Variants in SF3A2 observed in about 807,000 individuals in gnomAD.
SF3A2 encodes splicing factor 3a subunit 2.
Under a neutral mutation model 31.1 loss-of-function variants are expected in SF3A2, and 5 were observed. That is an observed-to-expected ratio of 0.16 (90% CI 0.08 to 0.34). The LOEUF (loss-of-function observed/expected upper bound fraction) is 0.34, where lower values mean the gene tolerates loss of function less well. Ranked by LOEUF, SF3A2 falls within the 10% of genes least tolerant of loss-of-function variation. The pLI is 1.00. For synonymous variants in SF3A2, 365 were observed against 263.7 expected (o/e 1.38, Z -3.72); for missense variants, 577 against 643.9 (o/e 0.90, Z 1.13).
Position 2,246,814 on chromosome 19 carries a change from G to T in SF3A2, c.405+12G>T, listed in dbSNP as rs563030381. On this transcript the variant is annotated intron_variant, in intron 6 of 8. Transcript: ENST00000221494. This position sits in a 1 kb window ranked among gnomAD's most constrained non-coding sequence, Gnocchi z 5.5. ...GCCTCCTCTTCCAGGTGAGATCAGGGACTTGGGCGTGGGGGGCGGCCAAAG... is the reference window on the plus strand; with the variant it reads ...GCCTCCTCTTCCAGGTGAGATCAGGTACTTGGGCGTGGGGGGCGGCCAAAG... 1 of 1,613,902 alleles carries T rather than the reference G, an allele frequency of 6.2e-7. No homozygotes were observed. The highest frequency in any genetic ancestry group is 2.2e-5 in the East Asian group (1 of 44,876).
In SF3A2 at chr19:2,248,165, TCCAGCCCCCGGGGTTCACCCA is replaced by T. The variant is rs776666294; in HGVS notation, c.1026_1046del (p.Ala361_Pro367del). 1.2e-4 allele frequency: 161 copies of T among 1,288,234 alleles called. No individual in the cohort carries two copies. The highest frequency in any genetic ancestry group is 2.6e-4 in the East Asian group (8 of 31,172). The allele number at this position is 1,288,234 out of a possible 1,614,324, so 79.8% of individuals were successfully genotyped here. ...ACCCCCCAGCTCCTGGAGTCCACCC[TCCAGCCCCCGGGGTTCACCCA>T]CCAGCCCCCGGAGTCCACCCACCAG... On this transcript the variant is annotated inframe_deletion, in exon 9 of 9. Coordinates refer to ENST00000221494, the MANE Select transcript of SF3A2 (RefSeq NM_007165.5).
chr19:2,246,796 C>T lies in SF3A2; in HGVS notation c.399C>T (p.Leu133=). ...CGGAGATGGGCCAGCAGAGCCTCCT[C>T]TTCCAGGTGAGATCAGGGACTTGGG... ...RDSEMGQQSL[L]FQIDYPEIAE... is the part of the protein sequence containing the mutation. The change falls in exon 6 of 9, where the codon CTC becomes CTT. Residue 133 remains leucine, a synonymous_variant. Transcript: ENST00000221494. This position sits in a 1 kb window ranked among gnomAD's most constrained non-coding sequence, Gnocchi z 5.5. 1.2e-6 allele frequency: 2 copies of T among 1,613,978 alleles called. No homozygotes were observed. Among genetic ancestry groups the T allele is most frequent in the Non-Finnish European group, 1.7e-6 (2 of 1,179,996 alleles).
intron 1 of SF3A2, among the ~76,000 whole-genome samples, chr19:2,242,999 A>G (rs911596951): frequency 6.6e-6 from 1 of 152,132 alleles, no homozygotes; most frequent in Non-Finnish European, 1.5e-5. Flanking sequence ...GCAGTCCGGG[A>G]TGGCTTCCTG....
intron 7 of SF3A2, 43 bp from the exon 8 acceptor site, chr19:2,247,551 G>C (rs780354911): frequency 6.2e-7 from 1 of 1,605,522 alleles, no homozygotes; most frequent in East Asian, 2.2e-5. Flanking sequence ...GTCGCCCTGA[G>C]GTCACAGGGA....
chr19:2,247,932 C>A lies in SF3A2; in HGVS notation c.781C>A (p.Leu261Met). The A allele has an allele frequency of 6.5e-7, 1 of 1,535,820 alleles. No individual in the cohort carries two copies. The highest frequency in any genetic ancestry group is 8.9e-7 in the Non-Finnish European group (1 of 1,127,524). Reference sequence around the variant, plus strand: ...ACCGCCCCCGCCAGGAGGCCTGCCTCTGCCACCCATGCCCCCCACAGGGCC... The same window carrying A: ...ACCGCCCCCGCCAGGAGGCCTGCCTATGCCACCCATGCCCCCCACAGGGCC... ...LPPPPPGGLPLPPMPPTGPAP... is the reference protein window; with the variant it reads ...LPPPPPGGLPMPPMPPTGPAP... The change falls in exon 9 of 9, where the codon CTG becomes ATG. Residue 261 changes from leucine (L) to methionine (M), a missense_variant. By Grantham distance (15) the Leu-to-Met change is conservative. This residue lies in a region of SF3A2 where 462 missense variants were observed against 339.1 expected (regional missense o/e 1.36). Coordinates refer to ENST00000221494, the MANE Select transcript of SF3A2 (RefSeq NM_007165.5).
At chr19:2,247,120 TC>T in intron 7 of SF3A2, 98 bp downstream of exon 7, 1 of 1,482,388 alleles carries the variant, frequency 6.7e-7, no homozygotes, top group Non-Finnish European at 9.0e-7. Context: ...GGGCTTGGGG[TC>T]CCCTGGGCCC....
Position 2,246,660 on chromosome 19 carries a change from C to A in SF3A2, c.356-93C>A. 6.8e-7 allele frequency: 1 copy of A among 1,465,808 alleles called. No homozygotes were observed. 90.8% of individuals were successfully genotyped at this position (1,465,808 alleles called of 1,614,324 possible). A position where few individuals can be genotyped will look rare whatever the true frequency, so the allele number is the denominator to read the frequency against. On this transcript the variant is annotated intron_variant, in intron 5 of 8. Coordinates refer to ENST00000221494, the MANE Select transcript of SF3A2 (RefSeq NM_007165.5). The surrounding 1 kb of genome is among the most constrained non-coding windows in gnomAD (Gnocchi z 5.5). Reference sequence around the variant, plus strand: ...AGCTGCAGGGCCTCCCCCGGGGTCCCGCTCTCGTTCAGTGGGTGGCATTAG... The same window carrying A: ...AGCTGCAGGGCCTCCCCCGGGGTCCAGCTCTCGTTCAGTGGGTGGCATTAG...
chr19:2,241,220 G>GGGAGT (rs1332558590), intron 1 of SF3A2, among the ~76,000 whole-genome samples: 1 of 152,162 alleles, frequency 6.6e-6, no homozygotes, highest in African/African-American at 2.4e-5. Flanking sequence ...ATCTGTGTGT[G>GGGAGT]GGAGTGCCTC....
At chr19:2,240,116 C>T (rs577730524) in intron 1 of SF3A2, among the ~76,000 whole-genome samples, 2 of 152,240 alleles carry the variant, frequency 1.3e-5, no homozygotes, top group African/African-American at 4.8e-5. Context: ...GTGTGGGGAC[C>T]CTGAATGTCA....
intron 3 of SF3A2, 39 bp from the exon 4 acceptor site, chr19:2,244,694 G>T: frequency 1.2e-6 from 2 of 1,613,178 alleles, no homozygotes; most frequent in Non-Finnish European, 8.5e-7. Flanking sequence ...GTGTCTGTCC[G>T]CCCGGCCTCG....
At chr19:2,244,686 G>C in intron 3 of SF3A2, 47 bp from the exon 4 acceptor site, 2 of 1,612,824 alleles carry the variant, frequency 1.2e-6, no homozygotes, top group Non-Finnish European at 1.7e-6. Flanking sequence ...ACCTGCCTGT[G>C]TCTGTCCGCC....
At chr19:2,247,447 C>A in intron 7 of SF3A2, 147 bp from the exon 8 acceptor site, 1 of 730,252 alleles carries the variant, frequency 1.4e-6, no homozygotes, top group Middle Eastern at 3.5e-4. Flanking sequence ...AGAACTGAAC[C>A]CTGTGCCCCA....
intron 1 of SF3A2, among the ~76,000 whole-genome samples, chr19:2,238,942 C>T (rs1422681156): frequency 6.6e-6 from 1 of 152,160 alleles, no homozygotes; most frequent in Non-Finnish European, 1.5e-5. Context: ...CCGAGCAAAA[C>T]TTCTGGGAGC....
In SF3A2 at chr19:2,243,517, G is replaced by A; in HGVS notation, c.99G>A (p.Leu33=). The A allele has an allele frequency of 6.4e-7, 1 of 1,552,158 alleles. No individual in the cohort carries two copies. The highest frequency in any genetic ancestry group is 8.6e-7 in the Non-Finnish European group (1 of 1,156,650). ...NRDRRERLRQ[L]ALETIDINKD... is the part of the protein sequence containing the mutation. ...ACCGCAGGGAGCGCCTCCGGCAGCT[G>A]GCCCTGGAGACCATCGACATCAACA... Residue 33 remains leucine (L), a synonymous_variant, in exon 2 of 9, where the codon CTG becomes CTA. Transcript: ENST00000221494.
chr19:2,244,868 C>G (rs150472707), intron 4 of SF3A2, 89 bp downstream of exon 4: 84 of 1,297,066 alleles, frequency 6.5e-5, no homozygotes, highest in Non-Finnish European at 8.8e-5. Flanking sequence ...GCTCCACAGC[C>G]GGGGAGCCAG....
In SF3A2 at chr19:2,245,258, A is replaced by G; in HGVS notation, c.246-188A>G. ...CCAGCCAGGGACAGTGAGGAGCATG[A>G]CAGGAAGAGAACATGCCTGTCCTAT... On this transcript the variant is annotated intron_variant, in intron 4 of 8. Coordinates refer to ENST00000221494, the MANE Select transcript of SF3A2 (RefSeq NM_007165.5). This position sits in a 1 kb window ranked among gnomAD's most constrained non-coding sequence, Gnocchi z 4.2. The G allele has an allele frequency of 1.8e-6, 1 of 564,622 alleles. No homozygotes were observed. Among genetic ancestry groups the G allele is most frequent in the Non-Finnish European group, 3.1e-6 (1 of 319,126 alleles). The allele number at this position is 564,622 out of a possible 1,614,324, so 35.0% of individuals were successfully genotyped here.
chr19:2,243,677 T>G, intron 2 of SF3A2, 133 bp downstream of exon 2: 1 of 1,080,024 alleles, frequency 9.3e-7, no homozygotes, highest in Non-Finnish European at 1.2e-6. Context: ...GACGCTCCCC[T>G]GTTGCCCCCG....
intron 2 of SF3A2, among the ~76,000 whole-genome samples, chr19:2,243,866 C>G (rs1219227996): frequency 6.6e-6 from 1 of 152,202 alleles, no homozygotes; most frequent in African/African-American, 2.4e-5. Context: ...TTGATTTTAG[C>G]TTGTGCAGAG....
Position 2,248,057 on chromosome 19 carries a change from TC to T in SF3A2, c.911del (p.Pro304GlnfsTer142). On this transcript the variant is annotated frameshift_variant, in exon 9 of 9. Coordinates refer to ENST00000221494, the MANE Select transcript of SF3A2 (RefSeq NM_007165.5). LOFTEE classifies it low-confidence loss of function (END_TRUNC). ...VVHPPASGVH[P>X]PAPGVHPPAP... ...TGCATCCCCCTGCATCTGGGGTCCA[TC>T]CCCCAGCTCCTGGCGTCCACCCCCC... 1.1e-5 allele frequency: 9 copies of T among 852,262 alleles called. No homozygotes were observed. Among genetic ancestry groups the T allele is most frequent in the East Asian group, 2.9e-5 (1 of 33,906 alleles). The allele number at this position is 852,262 out of a possible 1,614,324, so 52.8% of individuals were successfully genotyped here.
Sources: gnomAD v4.1 joint callset for allele counts (sites outside exome capture counted in the v4.1 genomes callset) on GRCh38, gnomAD v4.1.1 for gene constraint, gnomAD v4.1.1 regional missense constraint, Gnocchi (gnomAD v3.1) non-coding constraint, MANE v1.5 for transcripts, NCBI Gene and HGNC (gene_info 2026-07-23, HGNC 2026-07-21) for gene names.